IL15: variants seen among roughly 807,000 people sequenced by gnomAD.
IL15 encodes interleukin 15, also known as interleukin-15.
A neutral mutation model predicts 19.6 loss-of-function variants in IL15; 11 were observed. That is an observed-to-expected ratio of 0.56 (90% CI 0.35 to 0.93). The LOEUF is 0.93. IL15 is among the 40% of genes least tolerant of loss of function. IL15 has a pLI of 0.01. For synonymous variants in IL15, 58 were observed against 59.6 expected, an observed-to-expected ratio of 0.97 and a Z score of 0.12; for missense variants, 197 against 186.5, an observed-to-expected ratio of 1.06 and a Z score of -0.33.
intron 2 of IL15, among the ~76,000 whole-genome samples, chr4:141,675,595 C>T (rs1728316117): frequency 6.6e-6 from 1 of 152,146 alleles, no homozygotes; most frequent in Non-Finnish European, 1.5e-5. Flanking sequence ...TTGAATAACA[C>T]CCTACGGCCC....
chr4:141,686,855 A>ATT (rs1728729462), intron 2 of IL15, among the ~76,000 whole-genome samples: 1 of 152,224 alleles, frequency 6.6e-6, no homozygotes, highest in African/African-American at 2.4e-5. Flanking sequence ...GTTCATTATA[A>ATT]TACTTTATTT....
intron 1 of IL15, among the ~76,000 whole-genome samples, chr4:141,638,319 G>A (rs571583595): frequency 3.3e-5 from 5 of 152,254 alleles, no homozygotes; most frequent in East Asian, 3.9e-4. Context: ...TCTTAGTTTC[G>A]GGTCCTTATT....
intron 2 of IL15, among the ~76,000 whole-genome samples, chr4:141,712,537 C>G (rs1207788026): frequency 6.6e-6 from 1 of 150,860 alleles, no homozygotes; most frequent in Non-Finnish European, 1.5e-5. Context: ...AATGAATATC[C>G]CTTGTTTACC....
At chr4:141,651,727 A>G (rs1422614951) in intron 1 of IL15, among the ~76,000 whole-genome samples, 4 of 151,956 alleles carry the variant, frequency 2.6e-5, no homozygotes, top group South Asian at 2.1e-4. Flanking sequence ...AGATTTTTCA[A>G]TTTTCTTTGT....
At chr4:141,690,715 A>T (rs1728881279) in intron 2 of IL15, among the ~76,000 whole-genome samples, 1 of 152,178 alleles carries the variant, frequency 6.6e-6, no homozygotes, top group Non-Finnish European at 1.5e-5. Context: ...ATGCCATTAC[A>T]TGCATGAACA....
intron 2 of IL15, among the ~76,000 whole-genome samples, chr4:141,679,318 T>C (rs1369897368): frequency 1.3e-5 from 2 of 152,232 alleles, no homozygotes; most frequent in Non-Finnish European, 2.9e-5. Context: ...ATTTAATTTA[T>C]TTTAGTTTGA....
intron 2 of IL15, among the ~76,000 whole-genome samples, chr4:141,684,767 T>C (rs1579017548): frequency 6.6e-6 from 1 of 152,328 alleles, no homozygotes; most frequent in East Asian, 1.9e-4. Context: ...TTATTTATTA[T>C]TTATTTTTTC....
chr4:141,703,489 G>A (rs143504057), intron 2 of IL15, among the ~76,000 whole-genome samples: 2 of 152,010 alleles, frequency 1.3e-5, no homozygotes, highest in African/African-American at 2.4e-5. Flanking sequence ...TTTTCACGAG[G>A]CTCCCTAAAT....
intron 6 of IL15, among the ~76,000 whole-genome samples, chr4:141,728,244 C>A (rs540564755): frequency 3.3e-5 from 5 of 152,084 alleles, no homozygotes; most frequent in Non-Finnish European, 5.9e-5. Context: ...ATACATTATA[C>A]GTTTTTGTGA....
intron 6 of IL15, among the ~76,000 whole-genome samples, chr4:141,729,318 G>A (rs1009601382): frequency 1.3e-5 from 2 of 152,088 alleles, no homozygotes; most frequent in African/African-American, 4.8e-5. Context: ...TGGCACCTAA[G>A]AGAGCCTTTT....
At chr4:141,694,687 A>T (rs1729034571) in intron 2 of IL15, among the ~76,000 whole-genome samples, 1 of 152,158 alleles carries the variant, frequency 6.6e-6, no homozygotes. Context: ...AGGCAGGTGT[A>T]TTTCAAATTT....
intron 4 of IL15, chr4:141,721,090 A>C (rs1294629021): frequency 6.8e-7 from 1 of 1,472,232 alleles, no homozygotes; most frequent in Non-Finnish European, 9.2e-7. Context: ...GGCCCAAAGC[A>C]CCTAACCTAT....
At chr4:141,699,961 C>T (rs1048046155) in intron 2 of IL15, among the ~76,000 whole-genome samples, 1 of 152,126 alleles carries the variant, frequency 6.6e-6, no homozygotes, top group Non-Finnish European at 1.5e-5. Flanking sequence ...TCTTGTCGCA[C>T]AGGCTGAGGT....
chr4:141,717,584 C>G (rs1310967564), intron 2 of IL15: 1 of 152,310 alleles, frequency 6.6e-6, no homozygotes, highest in Non-Finnish European at 1.5e-5. Context: ...GCTTGTGTCC[C>G]TTGTAAATTA....
chr4:141,667,821 G>A (rs180761927), intron 2 of IL15, among the ~76,000 whole-genome samples: 48 of 151,912 alleles, frequency 3.2e-4, no homozygotes, highest in African/African-American at 8.0e-4. Context: ...GAAAGTTGTC[G>A]GAACCCTCTA....
chr4:141,689,693 C>T (rs1728842527), intron 2 of IL15, among the ~76,000 whole-genome samples: 1 of 152,174 alleles, frequency 6.6e-6, no homozygotes, highest in African/African-American at 2.4e-5. Context: ...GTTTACAAAC[C>T]TTGAGCTAGA....
At chr4:141,705,030 GT>G (rs1230797874) in intron 2 of IL15, among the ~76,000 whole-genome samples, 1 of 151,368 alleles carries the variant, frequency 6.6e-6, no homozygotes, top group East Asian at 1.9e-4. Flanking sequence ...CCAAATCTTT[GT>G]TTTGGTTTTT....
At chr4:141,640,217 C>G in intron 1 of IL15, among the ~76,000 whole-genome samples, 1 of 151,962 alleles carries the variant, frequency 6.6e-6, no homozygotes, top group East Asian at 1.9e-4. Flanking sequence ...AAGAGGAAGC[C>G]TCTGCTATGT....
chr4:141,690,909 G>A (rs546171087), intron 2 of IL15, among the ~76,000 whole-genome samples: 1 of 152,046 alleles, frequency 6.6e-6, no homozygotes, highest in Non-Finnish European at 1.5e-5. Flanking sequence ...TTTCCACTCT[G>A]CCAGGAAAGC....
Sources: gnomAD v4.1 joint callset for allele counts (sites outside exome capture counted in the v4.1 genomes callset) on GRCh38, gnomAD v4.1.1 for gene constraint, MANE v1.5 for transcripts, NCBI Gene and HGNC (gene_info 2026-07-23, HGNC 2026-07-21) for gene names.